The following PEBP4 variants were observed in gnomAD, a reference collection of about 807,000 sequenced individuals.
PEBP4 encodes phosphatidylethanolamine-binding protein 4.
A neutral mutation model predicts 23.9 loss-of-function variants in PEBP4; 22 were observed. That is an observed-to-expected ratio of 0.92 (90% CI 0.66 to 1.31). The LOEUF (loss-of-function observed/expected upper bound fraction) is 1.31, where lower values mean the gene tolerates loss of function less well. PEBP4 is among the 40% of genes most tolerant of loss of function. The probability of loss-of-function intolerance (pLI) is 0.00; values close to 1 mark genes in which losing one functional copy is unlikely to be tolerated. For synonymous variants in PEBP4, 112 were observed against 99.3 expected, an observed-to-expected ratio of 1.13 and a Z score of -0.76; for missense variants, 324 against 281.7, an observed-to-expected ratio of 1.15 and a Z score of -1.07.
intron 4 of PEBP4, among the ~76,000 whole-genome samples, chr8:22,785,265 G>C (rs935043067): frequency 1.3e-5 from 2 of 152,200 alleles, no homozygotes; most frequent in African/African-American, 2.4e-5. Flanking sequence ...TTGGCCCTCA[G>C]CTGTCTTCAA....
chr8:22,721,185 G>T (rs942552549), intron 6 of PEBP4, among the ~76,000 whole-genome samples: 5 of 152,122 alleles, frequency 3.3e-5, no homozygotes, highest in African/African-American at 1.2e-4. Context: ...GCATTTATTT[G>T]GCAGAACAGG....
In PEBP4 at chr8:22,713,260, A is replaced by T; in HGVS notation, c.*110T>A. ...GATACAAAGCACCAAGCCCTGGATG[A>T]TTTTTTTTTTATTTGGAAAAGAAGG... On this transcript the variant is annotated 3_prime_UTR_variant, in exon 7 of 7. Coordinates refer to ENST00000256404, the MANE Select transcript of PEBP4 (RefSeq NM_144962.3). The T allele has an allele frequency of 7.5e-7, 1 of 1,329,852 alleles. No individual in the cohort carries two copies. Among genetic ancestry groups the T allele is most frequent in the Non-Finnish European group, 9.8e-7 (1 of 1,018,728 alleles). 82.4% of individuals were successfully genotyped at this position (1,329,852 alleles called of 1,614,324 possible).
At chr8:22,822,311 G>T (rs973016603) in intron 3 of PEBP4, among the ~76,000 whole-genome samples, 2 of 151,760 alleles carry the variant, frequency 1.3e-5, no homozygotes, top group Admixed American at 6.6e-5. Flanking sequence ...CAAGGACTCA[G>T]AAGAAAAGAA....
chr8:22,764,244 C>T (rs1805565753), intron 4 of PEBP4, among the ~76,000 whole-genome samples: 2 of 152,142 alleles, frequency 1.3e-5, no homozygotes, highest in South Asian at 4.2e-4. Flanking sequence ...AAGCTCTGCA[C>T]ACTTGAATCT....
intron 4 of PEBP4, among the ~76,000 whole-genome samples, chr8:22,812,235 A>C (rs1369769290): frequency 6.6e-6 from 1 of 152,142 alleles, no homozygotes; most frequent in Non-Finnish European, 1.5e-5. Flanking sequence ...TGTGCTACCC[A>C]CATAACTAGA....
intron 4 of PEBP4, among the ~76,000 whole-genome samples, chr8:22,777,006 G>A (rs1413598744): frequency 6.6e-6 from 1 of 151,948 alleles, no homozygotes. Context: ...CGATCAGAAT[G>A]GTGGGTTGGG....
chr8:22,775,500 G>A lies in PEBP4; in HGVS notation c.357+42137C>T, dbSNP rs1007704187. Among the ~76,000 whole-genome samples the A allele has an allele frequency of 1.6e-4, 25 of 152,198 alleles. No individual in the cohort carries two copies. The highest frequency in any genetic ancestry group is 6.0e-4 in the African/African-American group (25 of 41,444). On this transcript the variant is annotated intron_variant, in intron 4 of 6. Transcript: ENST00000256404. This position sits in a 1 kb window ranked among gnomAD's most constrained non-coding sequence, Gnocchi z 4.8. ...ATGGAGGGGGGGGATTTCTTTTTAAGAGACAAGGTGGGTGGAATGGGGGAA... is the reference window on the plus strand; with the variant it reads ...ATGGAGGGGGGGGATTTCTTTTTAAAAGACAAGGTGGGTGGAATGGGGGAA...
intron 3 of PEBP4, among the ~76,000 whole-genome samples, chr8:22,868,155 A>C (rs1197347464): frequency 1.3e-5 from 2 of 152,212 alleles, no homozygotes; most frequent in Non-Finnish European, 2.9e-5. Context: ...ACAGACCATG[A>C]GGAGCCATTG....
chr8:22,888,463 C>T (rs908684869), intron 3 of PEBP4, among the ~76,000 whole-genome samples: 1 of 152,262 alleles, frequency 6.6e-6, no homozygotes. Context: ...CTAAAAGGAC[C>T]GGCCACGGGA....
At chr8:22,840,577 C>T (rs2063688) in intron 3 of PEBP4, among the ~76,000 whole-genome samples, 30,089 of 151,928 alleles carry the variant, frequency 0.2, 3,490 homozygotes, top group African/African-American at 0.31. Flanking sequence ...AGGGTGAGAA[C>T]TGTGAGCAAT....
intron 3 of PEBP4, among the ~76,000 whole-genome samples, chr8:22,913,014 T>C (rs150766170): frequency 1.6e-4 from 24 of 152,262 alleles, no homozygotes; most frequent in East Asian, 9.7e-4. Flanking sequence ...CACACACAGT[T>C]CTCCTGGAAC....
intron 3 of PEBP4, among the ~76,000 whole-genome samples, chr8:22,859,927 G>A (rs1020810341): frequency 2.0e-5 from 3 of 151,324 alleles, no homozygotes; most frequent in Non-Finnish European, 4.4e-5. Flanking sequence ...TCTGTCCCTG[G>A]GCAACATAGG....
intron 4 of PEBP4, among the ~76,000 whole-genome samples, chr8:22,728,366 C>T (rs1044260884): frequency 6.6e-6 from 1 of 152,182 alleles, no homozygotes; most frequent in African/African-American, 2.4e-5. Flanking sequence ...TATCCCTCTT[C>T]CAAGGCTGGT....
intron 4 of PEBP4, among the ~76,000 whole-genome samples, chr8:22,738,686 CCA>C (rs960845291): frequency 2.0e-5 from 3 of 152,068 alleles, no homozygotes; most frequent in Admixed American, 6.5e-5. Context: ...ATGCTCACAT[CCA>C]CACTCTCACA....
rs560153986 is a variant in PEBP4 at position 22,718,443 on chromosome 8, G to A, written c.518-4907C>T. 7.9e-5 allele frequency among the ~76,000 whole-genome samples: 12 copies of A among 152,346 alleles called. 1 individual carries two copies. Among genetic ancestry groups the A allele is most frequent in the African/African-American group, 2.6e-4 (11 of 41,586 alleles). On this transcript the variant is annotated intron_variant, in intron 6 of 6. Coordinates refer to ENST00000256404, the MANE Select transcript of PEBP4 (RefSeq NM_144962.3). The stretch of plus-strand genomic sequence containing the variant: ...TATCTGTGTGGTTTCTTCACGATGT[G>A]TTCAACATTGCTTGGGATGGCTGAT...
chr8:22,862,274 G>A (rs1807792927), intron 3 of PEBP4, among the ~76,000 whole-genome samples: 1 of 152,094 alleles, frequency 6.6e-6, no homozygotes, highest in Non-Finnish European at 1.5e-5. Context: ...GTACCCCCAT[G>A]ATGTCTTCCA....
intron 6 of PEBP4, among the ~76,000 whole-genome samples, chr8:22,724,245 C>T (rs535263803): frequency 7.3e-4 from 111 of 152,258 alleles, no homozygotes; most frequent in African/African-American, 2.5e-3. Flanking sequence ...GCTCCCTGGC[C>T]CTGGTGGCAG....
chr8:22,913,193 G>A (rs376128190), intron 3 of PEBP4, among the ~76,000 whole-genome samples: 1 of 152,136 alleles, frequency 6.6e-6, no homozygotes, highest in Admixed American at 6.5e-5. Flanking sequence ...TGATGCACTG[G>A]TGATCTCCCC....
chr8:22,906,625 G>C (rs1225728583), intron 3 of PEBP4, among the ~76,000 whole-genome samples: 1 of 152,228 alleles, frequency 6.6e-6, no homozygotes, highest in Non-Finnish European at 1.5e-5. Context: ...TGAGATGACT[G>C]TCCATCACCA....
Sources: allele counts gnomAD v4.1 joint callset (sites outside exome capture counted in the v4.1 genomes callset), GRCh38; gene constraint gnomAD v4.1.1; non-coding constraint Gnocchi (gnomAD v3.1); transcripts MANE v1.5; gene names NCBI Gene and HGNC (gene_info 2026-07-23, HGNC 2026-07-21).